The following LRRC4C variants were observed in gnomAD, a reference collection of about 807,000 sequenced individuals.
The protein encoded by LRRC4C is leucine-rich repeat-containing protein 4C.
LRRC4C carries 5 observed loss-of-function variants against 33.6 expected under a neutral mutation model. The observed-to-expected ratio is 0.15, with a 90% CI of 0.08 to 0.31. LRRC4C has a LOEUF of 0.31. Among genes scored for constraint, LRRC4C ranks in the 10% least tolerant of loss-of-function variants. The pLI is 1.00. For synonymous variants in LRRC4C, 329 were observed against 302.0 expected (o/e 1.09, Z -0.93); for missense variants, 560 against 796.7 (o/e 0.70, Z 3.58).
At chr11:40,148,754 CT>C (rs954926866) in intron 5 of LRRC4C, among the ~76,000 whole-genome samples, 2 of 152,108 alleles carry the variant, frequency 1.3e-5, no homozygotes, top group Non-Finnish European at 2.9e-5. Context: ...AAATTCTTGC[CT>C]GTTCCTATGG....
intron 3 of LRRC4C, among the ~76,000 whole-genome samples, chr11:40,403,504 C>T (rs1043085201): frequency 2.6e-5 from 4 of 152,044 alleles, no homozygotes; most frequent in Non-Finnish European, 5.9e-5. Context: ...TATGTGGTGA[C>T]TAATGCTGAC....
chr11:40,948,817 A>G (rs1275450485), intron 1 of LRRC4C, among the ~76,000 whole-genome samples: 10 of 151,718 alleles, frequency 6.6e-5, no homozygotes, highest in South Asian at 2.1e-4. Flanking sequence ...GAATAGTGCC[A>G]CAATAAACAT....
chr11:40,827,598 T>C (rs1037983282), intron 2 of LRRC4C, among the ~76,000 whole-genome samples: 12 of 151,878 alleles, frequency 7.9e-5, no homozygotes, highest in African/African-American at 2.7e-4. Context: ...ATGTGAATTC[T>C]ACCTTATGGG....
chr11:40,296,870 G>T (rs2167663), intron 4 of LRRC4C, among the ~76,000 whole-genome samples: 1 of 152,114 alleles, frequency 6.6e-6, no homozygotes, highest in Non-Finnish European at 1.5e-5. Context: ...AGCCCATCTA[G>T]TTACCAAAAG....
At chr11:40,330,037 G>T (rs751848552) in intron 3 of LRRC4C, among the ~76,000 whole-genome samples, 25 of 152,082 alleles carry the variant, frequency 1.6e-4, no homozygotes, top group Non-Finnish European at 3.1e-4. Flanking sequence ...CACCATGCCT[G>T]GCTGGTAGTT....
intron 4 of LRRC4C, among the ~76,000 whole-genome samples, chr11:40,304,782 A>C (rs1178301082): frequency 6.7e-6 from 1 of 149,598 alleles, no homozygotes. Flanking sequence ...CCCAGGCTGG[A>C]GTGCAGTGGC....
At position 40,224,936 on chromosome 11, in the gene LRRC4C, T is replaced by C. The variant is rs1421777484; in HGVS notation, c.-96+16583A>G. On this transcript the variant is annotated intron_variant, in intron 5 of 6. Coordinates refer to ENST00000528697, the MANE Select transcript of LRRC4C (RefSeq NM_001258419.2). ...ATCTACCCAAACAATGTTAAACAAA[T>C]AGAAGTCAATCCCCTCTTCTTAAAA... Among the ~76,000 whole-genome samples, 5 of 152,140 alleles carry C rather than the reference T, an allele frequency of 3.3e-5. No homozygotes were observed. The South Asian group carries it at 1.0e-3, about 31-fold the overall frequency.
At chr11:40,547,754 G>T (rs1956981950) in intron 3 of LRRC4C, among the ~76,000 whole-genome samples, 1 of 152,078 alleles carries the variant, frequency 6.6e-6, no homozygotes, top group Non-Finnish European at 1.5e-5. Context: ...TATGTTGGGT[G>T]CTCTCACCTA....
chr11:40,137,156 G>A (rs895026037), intron 6 of LRRC4C, among the ~76,000 whole-genome samples: 1 of 143,418 alleles, frequency 7.0e-6, no homozygotes, highest in African/African-American at 2.8e-5. Context: ...ATGTATGCAC[G>A]TGGGCACGTG....
intron 1 of LRRC4C, among the ~76,000 whole-genome samples, chr11:41,127,627 T>C (rs1040416379): frequency 1.2e-4 from 19 of 152,076 alleles, no homozygotes; most frequent in Non-Finnish European, 2.1e-4. Context: ...ATATCTATTA[T>C]ATGTGGCCTT....
At chr11:40,995,390 T>C (rs544266533) in intron 1 of LRRC4C, among the ~76,000 whole-genome samples, 10 of 152,050 alleles carry the variant, frequency 6.6e-5, no homozygotes, top group Non-Finnish European at 1.3e-4. Context: ...GCTTACTAGA[T>C]AGCTTCACTT....
chr11:41,112,319 CG>C (rs1941880251), intron 1 of LRRC4C, among the ~76,000 whole-genome samples: 1 of 152,006 alleles, frequency 6.6e-6, no homozygotes, highest in Non-Finnish European at 1.5e-5. Flanking sequence ...GCAGACACTT[CG>C]GCAGAAATTG....
intron 1 of LRRC4C, among the ~76,000 whole-genome samples, chr11:40,968,222 C>A (rs544180699): frequency 9.1e-4 from 139 of 152,184 alleles, no homozygotes; most frequent in Non-Finnish European, 1.7e-3. Flanking sequence ...GAGGAAGGCC[C>A]TAATTTCTTC....
At chr11:40,805,395 C>T (rs1433056989) in intron 2 of LRRC4C, among the ~76,000 whole-genome samples, 1 of 152,140 alleles carries the variant, frequency 6.6e-6, no homozygotes, top group Non-Finnish European at 1.5e-5. Flanking sequence ...AGTCAAATTG[C>T]CCTCTGGAAT....
At chr11:41,297,142 A>G (rs1291021442) in intron 1 of LRRC4C, among the ~76,000 whole-genome samples, 2 of 152,186 alleles carry the variant, frequency 1.3e-5, no homozygotes, top group Non-Finnish European at 2.9e-5. Flanking sequence ...TGAGATGATC[A>G]TGTGGTTTTT....
intron 1 of LRRC4C, among the ~76,000 whole-genome samples, chr11:41,305,424 C>A (rs1480661822): frequency 6.0e-5 from 3 of 50,378 alleles, no homozygotes; most frequent in Non-Finnish European, 1.1e-4. Flanking sequence ...TCATTGAGAA[C>A]GGGCCAGGAT....
At chr11:40,154,154 C>G (rs1858462181) in intron 5 of LRRC4C, among the ~76,000 whole-genome samples, 1 of 152,078 alleles carries the variant, frequency 6.6e-6, no homozygotes, top group Non-Finnish European at 1.5e-5. Context: ...AAACAATTAT[C>G]AGCCAAGAAT....
intron 1 of LRRC4C, among the ~76,000 whole-genome samples, chr11:41,394,420 G>T (rs1953725763): frequency 6.6e-6 from 1 of 151,858 alleles, no homozygotes; most frequent in Admixed American, 6.6e-5. Flanking sequence ...CTGCAGAGAG[G>T]GCTCTGGTTA....
intron 5 of LRRC4C, among the ~76,000 whole-genome samples, chr11:40,162,126 A>G (rs193288967): frequency 6.6e-6 from 1 of 151,778 alleles, no homozygotes; most frequent in South Asian, 2.1e-4. Flanking sequence ...ACTCATTATC[A>G]TCATCTTTTC....
Sources: gnomAD v4.1 joint callset for allele counts (sites outside exome capture counted in the v4.1 genomes callset) on GRCh38, gnomAD v4.1.1 for gene constraint, MANE v1.5 for transcripts, NCBI Gene and HGNC (gene_info 2026-07-23, HGNC 2026-07-21) for gene names.